Variants in DOCK6 observed in about 807,000 individuals in gnomAD.
DOCK6 encodes the protein dedicator of cytokinesis protein 6.
In DOCK6, 167 loss-of-function variants were observed where a neutral mutation model predicts 230.3. The observed-to-expected ratio is 0.73, with a 90% CI of 0.64 to 0.82. DOCK6 has a LOEUF of 0.82. Ranked by LOEUF, DOCK6 falls within the 40% of genes least tolerant of loss-of-function variation. DOCK6 has a pLI of 0.00. For missense variants in DOCK6, 2,598 were observed against 2,825.8 expected, an observed-to-expected ratio of 0.92 and a Z score of 1.83; for synonymous variants, 1,148 against 1,185.0, an observed-to-expected ratio of 0.97 and a Z score of 0.64.
At chr19:11,203,302 T>C (rs1297667650) in intron 41 of DOCK6, 1 of 168,624 alleles carries the variant, frequency 5.9e-6, no homozygotes, top group Non-Finnish European at 1.3e-5. Flanking sequence ...CCGGGGAGGA[T>C]GGGGCAGACA....
In DOCK6 at chr19:11,243,191, C is replaced by T. The variant is rs139686275; in HGVS notation, c.1387-39G>A. The T allele has an allele frequency of 2.6e-4, 418 of 1,613,130 alleles. 1 individual carries two copies. In the African/African-American group the frequency reaches 4.9e-3, roughly 19 times the overall value. On this transcript the variant is annotated intron_variant, in intron 12 of 47. Coordinates refer to ENST00000294618, the MANE Select transcript of DOCK6 (RefSeq NM_020812.4). This position sits in a 1 kb window ranked among gnomAD's most constrained non-coding sequence, Gnocchi z 6.3. ...ACTCCCGTCAGCCTGGGCCAGGGGGCTAGGGGTCCCCAGGGCTAATGCAGC... is the reference window on the plus strand; with the variant it reads ...ACTCCCGTCAGCCTGGGCCAGGGGGTTAGGGGTCCCCAGGGCTAATGCAGC...
chr19:11,248,176 TG>T, intron 6 of DOCK6, 25 bp from the exon 7 acceptor site: 1 of 716,310 alleles, frequency 1.4e-6, no homozygotes, highest in Non-Finnish European at 2.4e-6. Context: ...GGGTGGGAGC[TG>T]GGCGGGAGGA....
Position 11,223,004 on chromosome 19 carries a change from G to A in DOCK6, c.3058C>T (p.His1020Tyr), listed in dbSNP as rs2079605741. 6.2e-7 allele frequency: 1 copy of A among 1,613,732 alleles called. No individual in the cohort carries two copies. Among genetic ancestry groups the A allele is most frequent in the Non-Finnish European group, 8.5e-7 (1 of 1,179,846 alleles). The change falls in exon 25 of 48, where the codon CAC (histidine) becomes TAC (tyrosine). Residue 1020 changes from histidine to tyrosine, a missense_variant. Transcript: ENST00000294618. ...RGFVFSLVRAHYKQVATRLQS... is the reference protein window; with the variant it reads ...RGFVFSLVRAYYKQVATRLQS... ...ACGCCCACTCCTACCTGCTTGTAGT[G>A]GGCCCGGACCAGGCTGAAGACAAAG...
At position 11,201,997 on chromosome 19, in the gene DOCK6, C is replaced by A. The variant is rs1428735606; in HGVS notation, c.5580G>T (p.Gly1860=). The change falls in exon 44 of 48, where the codon GGG becomes GGT. Residue 1860 remains glycine, a synonymous_variant. Transcript: ENST00000294618. The surrounding 1 kb of genome is among the most constrained non-coding windows in gnomAD (Gnocchi z 4.3). The stretch of plus-strand genomic sequence containing the variant: ...GCTCGGGCAGCTCCCCGTGTGCGCG[C>A]CCATCCGGCGTGAACGGCGTGCAGA... ...FLFCTPFTPD[G]RAHGELPEQH... The A allele has an allele frequency of 2.5e-6, 4 of 1,613,938 alleles. No homozygotes were observed. In the African/African-American group the frequency reaches 5.3e-5, roughly 22 times the overall value.
At position 11,236,814 on chromosome 19, in the gene DOCK6, G is replaced by T. The variant is rs759551838; in HGVS notation, c.2139C>A (p.Ala713=). The T allele has an allele frequency of 5.1e-6, 8 of 1,554,042 alleles. No individual in the cohort carries two copies. The highest frequency in any genetic ancestry group is 7.0e-6 in the Non-Finnish European group (8 of 1,148,906). ...GTACCTGGGGGTGCACAGAGGACACGGCTGTGAGCTCCACACTGAACACGC... is the reference window on the plus strand; with the variant it reads ...GTACCTGGGGGTGCACAGAGGACACTGCTGTGAGCTCCACACTGAACACGC... The part of the protein sequence containing the change: ...HKGVFSVELT[A]VSSVHPQDPY... The change falls in exon 19 of 48, where the codon GCC becomes GCA. Residue 713 remains alanine (A), a synonymous_variant. Transcript: ENST00000294618. The surrounding 1 kb of genome is among the most constrained non-coding windows in gnomAD (Gnocchi z 5.2).
At chr19:11,229,435 G>A in intron 22 of DOCK6, 1 of 966,882 alleles carries the variant, frequency 1.0e-6, no homozygotes, top group African/African-American at 1.8e-5. Context: ...TGTGGATGAG[G>A]TGAAGGGGTA....
At chr19:11,219,746 C>A (rs1252414903) in intron 28 of DOCK6, among the ~76,000 whole-genome samples, 2 of 149,822 alleles carry the variant, frequency 1.3e-5, no homozygotes, top group African/African-American at 4.9e-5. Context: ...GCCGAGATAG[C>A]GCCACTGCAC....
rs1346427464 is a variant in DOCK6 at position 11,202,428 on chromosome 19, T to C, written c.5417A>G (p.Asn1806Ser). 1 of 1,613,778 alleles carries C rather than the reference T, an allele frequency of 6.2e-7. No homozygotes were observed. ...DDVVEIIKDSNPVDKSKLDSQ... is the reference protein window; with the variant it reads ...DDVVEIIKDSSPVDKSKLDSQ... ...GTCAAGCTTGGACTTGTCCACAGGG[T>C]TAGAGTCTTTGATAATCTCAACGAC... The change falls in exon 43 of 48, where the codon AAC becomes AGC. Residue 1806 changes from asparagine (N) to serine (S), a missense_variant. By Grantham distance (46) the Asn-to-Ser change is conservative (BLOSUM62 1). Transcript: ENST00000294618. This position sits in a 1 kb window ranked among gnomAD's most constrained non-coding sequence, Gnocchi z 5.3.
At chr19:11,261,686 G>A (rs867813058) in intron 1 of DOCK6, among the ~76,000 whole-genome samples, 3 of 152,072 alleles carry the variant, frequency 2.0e-5, no homozygotes, top group Non-Finnish European at 2.9e-5. Context: ...ATCCCCCAGC[G>A]CCTGGGGCCT....
chr19:11,214,788 T>C, intron 32 of DOCK6, 139 bp from the exon 33 acceptor site: 1 of 744,972 alleles, frequency 1.3e-6, no homozygotes, highest in South Asian at 1.8e-5. Context: ...TTTTTTTTGT[T>C]TTCTGAGACA....
Position 11,222,120 on chromosome 19 carries a change from A to G in DOCK6, c.3369T>C (p.Pro1123=). 1 of 1,613,038 alleles carries G rather than the reference A, an allele frequency of 6.2e-7. No homozygotes were observed. The highest frequency in any genetic ancestry group is 8.5e-7 in the Non-Finnish European group (1 of 1,179,556). ...GGAGCTCTGCTCACCCTTCAGCCTC[A>G]GGTTCGAGGGCCAGTGCCAGCTCCG... ...LLTELALALE[P]EAEGAFLLHK... The change falls in exon 27 of 48, where the codon CCT becomes CCC. Residue 1123 remains proline (P), a synonymous_variant. Coordinates refer to ENST00000294618, the MANE Select transcript of DOCK6 (RefSeq NM_020812.4). This position sits in a 1 kb window ranked among gnomAD's most constrained non-coding sequence, Gnocchi z 4.0.
At chr19:11,212,561 CTTTCTT>C (rs2079407146) in intron 35 of DOCK6, among the ~76,000 whole-genome samples, 2 of 100,036 alleles carry the variant, frequency 2.0e-5, no homozygotes, top group Admixed American at 2.6e-4. Flanking sequence ...TTCTTTCTTT[CTTTCTT>C]TTTTTTTTTT....
At chr19:11,261,743 A>C (rs1405460785) in intron 1 of DOCK6, among the ~76,000 whole-genome samples, 11 of 135,690 alleles carry the variant, frequency 8.1e-5, no homozygotes, top group Admixed American at 1.5e-4. Context: ...CCCAGCCCCC[A>C]CTCCCTCCAT....
Position 11,208,896 on chromosome 19 carries a change from C to A in DOCK6, c.4944+15G>T. On this transcript the variant is annotated intron_variant, in intron 38 of 47. Coordinates refer to ENST00000294618, the MANE Select transcript of DOCK6 (RefSeq NM_020812.4). ...ACTCGTGCCGTCCGCCACCTGCCAACCCCTGGCCACTCACCTGGAAGGAAA... is the reference window on the plus strand; with the variant it reads ...ACTCGTGCCGTCCGCCACCTGCCAAACCCTGGCCACTCACCTGGAAGGAAA... 6.3e-7 allele frequency: 1 copy of A among 1,597,478 alleles called. No individual in the cohort carries two copies. The highest frequency in any genetic ancestry group is 2.3e-5 in the East Asian group (1 of 44,394).
chr19:11,260,593 GAA>G (rs796341364), intron 1 of DOCK6, among the ~76,000 whole-genome samples: 2 of 120,910 alleles, frequency 1.7e-5, no homozygotes, highest in Non-Finnish European at 1.8e-5. Flanking sequence ...AAAAGAAAAG[GAA>G]AAAAAAAAAA....
chr19:11,245,708 G>A lies in DOCK6; in HGVS notation c.878C>T (p.Ser293Leu), dbSNP rs199704050. 53 of 1,602,970 alleles carry A rather than the reference G, an allele frequency of 3.3e-5. No homozygotes were observed. The highest frequency in any genetic ancestry group is 8.0e-5 in the African/African-American group (6 of 74,596). Residue 293 changes from serine to leucine, a missense_variant, in exon 9 of 48, where the codon TCG (serine) becomes TTG (leucine). Ser to Leu is a moderately radical substitution (Grantham distance 145, BLOSUM62 -2). Coordinates refer to ENST00000294618, the MANE Select transcript of DOCK6 (RefSeq NM_020812.4). ...LYDVREKKKI[S>L]ENFYFDLNSD... is the part of the protein sequence containing the mutation. ...GTTCAGGTCGAAGTAGAAGTTCTCC[G>A]AGATCTGGGGACACCAGAGGCAGCT...
In DOCK6 at chr19:11,208,791, G is replaced by A. The variant is rs542626383; in HGVS notation, c.4983C>T (p.Ser1661=). The A allele has an allele frequency of 1.9e-5, 30 of 1,613,726 alleles. No individual in the cohort carries two copies. Among genetic ancestry groups the A allele is most frequent in the South Asian group, 1.8e-4 (16 of 91,080 alleles). Residue 1661 remains serine, a synonymous_variant, in exon 39 of 48, where the codon TCC becomes TCT. Transcript: ENST00000294618. ...CCTCGTCGGGCGACAGGATGTCGTC[G>A]GAGATGGCGGACTCCTCTAGCACGT... ...SSNVLEESAI[S]DDILSPDEEG...
chr19:11,242,041 G>T lies in DOCK6; in HGVS notation c.1643+4C>A. On this transcript the variant is annotated splice_donor_region_variant and intron_variant, in intron 14 of 47. Coordinates refer to ENST00000294618, the MANE Select transcript of DOCK6 (RefSeq NM_020812.4). ...AGTGCCCAGCTGGGCCCCAGAGGCC[G>T]TACCTGTAGCTGGTATGGGGGGCAT... 1.3e-6 allele frequency: 2 copies of T among 1,567,518 alleles called. No individual in the cohort carries two copies. The highest frequency in any genetic ancestry group is 1.7e-6 in the Non-Finnish European group (2 of 1,165,932).
At chr19:11,247,974 C>T (rs1471001860) in intron 7 of DOCK6, 92 bp downstream of exon 7, 33 of 1,138,470 alleles carry the variant, frequency 2.9e-5, no homozygotes, top group Non-Finnish European at 3.5e-5. Flanking sequence ...GGGCCGCACA[C>T]GGTAATGGCA....
Sources: gnomAD v4.1 joint callset for allele counts (sites outside exome capture counted in the v4.1 genomes callset) on GRCh38, gnomAD v4.1.1 for gene constraint, Gnocchi (gnomAD v3.1) non-coding constraint, MANE v1.5 for transcripts, NCBI Gene and HGNC (gene_info 2026-07-23, HGNC 2026-07-21) for gene names.